HIVEP3: variants seen among roughly 807,000 people sequenced by gnomAD.
HIVEP3 encodes the protein transcription factor HIVEP3.
A neutral mutation model predicts 152.8 loss-of-function variants in HIVEP3; 49 were observed. The ratio of observed to expected loss-of-function variants is 0.32; its 90% CI spans 0.26 to 0.41. The LOEUF (loss-of-function observed/expected upper bound fraction) is 0.41, where lower values mean the gene tolerates loss of function less well. Among genes scored for constraint, HIVEP3 ranks in the 10% least tolerant of loss-of-function variants. The pLI is 1.00. For missense variants in HIVEP3, 2,790 were observed against 3,103.3 expected, an observed-to-expected ratio of 0.90 and a Z score of 2.40; for synonymous variants, 1,269 against 1,289.0, an observed-to-expected ratio of 0.98 and a Z score of 0.33.
intron 1 of HIVEP3, among the ~76,000 whole-genome samples, chr1:41,795,076 G>A (rs1334923399): frequency 1.3e-5 from 2 of 152,086 alleles, no homozygotes; most frequent in East Asian, 3.9e-4. Flanking sequence ...AATTAACACT[G>A]GTACAATACA....
chr1:41,929,446 A>C (rs1179326388), intron 1 of HIVEP3, among the ~76,000 whole-genome samples: 1 of 151,932 alleles, frequency 6.6e-6, no homozygotes, highest in East Asian at 1.9e-4. Context: ...TAGCACCAGA[A>C]GATGCTCCAG....
At chr1:42,017,175 C>A (rs1645528087) in intron 1 of HIVEP3, among the ~76,000 whole-genome samples, 1 of 151,720 alleles carries the variant, frequency 6.6e-6, no homozygotes, top group African/African-American at 2.4e-5. Context: ...TTTTCCAATT[C>A]ATGTTTCTGA....
intron 2 of HIVEP3, among the ~76,000 whole-genome samples, chr1:41,671,039 T>A (rs777687637): frequency 8.5e-5 from 13 of 152,138 alleles, no homozygotes; most frequent in Non-Finnish European, 1.6e-4. Context: ...CTGATTATCA[T>A]CCCTTTCTGC....
chr1:41,896,566 ACTTTT>A (rs1030048619), intron 1 of HIVEP3, among the ~76,000 whole-genome samples: 4 of 147,886 alleles, frequency 2.7e-5, no homozygotes, highest in Admixed American at 6.7e-5. Flanking sequence ...CATGCTTTTT[ACTTTT>A]CTTTTCTTTT....
At position 41,937,458 on chromosome 1, in the gene HIVEP3, T is replaced by C. The variant is rs190013394; in HGVS notation, n.120-18934A>G. Among the ~76,000 whole-genome samples, 681 of 152,290 alleles carry C rather than the reference T, an allele frequency of 4.5e-3. 5 individuals carry two copies. Among genetic ancestry groups the C allele is most frequent in the African/African-American group, 0.016 (653 of 41,548 alleles). ...ATTGAAACTGAGAGGATCGAAGGCC[T>C]TGACCTGCACTATCCAAAATGGTAG... On this transcript the variant is annotated intron_variant and non_coding_transcript_variant, in intron 1 of 3. Transcript: ENST00000489103.
chr1:41,863,104 C>T (rs749268833), intron 1 of HIVEP3, among the ~76,000 whole-genome samples: 10 of 152,268 alleles, frequency 6.6e-5, no homozygotes, highest in Non-Finnish European at 1.5e-5. Flanking sequence ...TCCTCCTCCA[C>T]TGTCACATAC....
chr1:41,670,005 C>A (rs1645849953), intron 2 of HIVEP3, among the ~76,000 whole-genome samples: 1 of 152,166 alleles, frequency 6.6e-6, no homozygotes, highest in South Asian at 2.1e-4. Context: ...AGTAAGTGAG[C>A]ATTTCCTTCT....
At chr1:42,001,230 C>T (rs1326353834) in intron 1 of HIVEP3, among the ~76,000 whole-genome samples, 1 of 152,180 alleles carries the variant, frequency 6.6e-6, no homozygotes, top group East Asian at 1.9e-4. Context: ...AATAAATAAG[C>T]AGATATAATA....
At chr1:41,712,265 A>T (rs182136755) in intron 1 of HIVEP3, among the ~76,000 whole-genome samples, 33 of 152,338 alleles carry the variant, frequency 2.2e-4, no homozygotes, top group South Asian at 4.1e-4. Flanking sequence ...CCATGGTGAT[A>T]TGAAGGAGGC....
chr1:41,835,717 G>A (rs1403020830), intron 1 of HIVEP3, among the ~76,000 whole-genome samples: 5 of 152,154 alleles, frequency 3.3e-5, no homozygotes, highest in Admixed American at 3.3e-4. Context: ...GTAGCTCTCC[G>A]CCCTGGGATG....
intron 1 of HIVEP3, among the ~76,000 whole-genome samples, chr1:41,813,699 C>A (rs1651099621): frequency 6.6e-6 from 1 of 152,136 alleles, no homozygotes. Flanking sequence ...CAATATGTAA[C>A]CATAATACAT....
chr1:41,938,254 T>C (rs1570850), intron 1 of HIVEP3, among the ~76,000 whole-genome samples: 5,562 of 152,272 alleles, frequency 0.037, 317 homozygotes, highest in African/African-American at 0.13. Context: ...AAAATATGTA[T>C]TAACCTCTGT....
At chr1:41,911,000 G>C (rs948340144) in intron 1 of HIVEP3, among the ~76,000 whole-genome samples, 1 of 152,006 alleles carries the variant, frequency 6.6e-6, no homozygotes, top group African/African-American at 2.4e-5. Flanking sequence ...ATAAAGGAAA[G>C]ATTGATAAAT....
intron 1 of HIVEP3, among the ~76,000 whole-genome samples, chr1:41,704,889 C>T (rs1474441445): frequency 2.0e-5 from 3 of 152,176 alleles, no homozygotes; most frequent in African/African-American, 7.2e-5. Flanking sequence ...TTCATTCATC[C>T]ATCAATTATT....
At chr1:41,658,363 T>G (rs574349946) in intron 2 of HIVEP3, among the ~76,000 whole-genome samples, 1 of 152,294 alleles carries the variant, frequency 6.6e-6, no homozygotes, top group East Asian at 1.9e-4. Context: ...TCAAACCAGT[T>G]ATTTGACCAC....
At chr1:41,622,208 G>A (rs1645056424) in intron 3 of HIVEP3, among the ~76,000 whole-genome samples, 1 of 152,222 alleles carries the variant, frequency 6.6e-6, no homozygotes, top group Admixed American at 6.5e-5. Context: ...CTCTCATGGA[G>A]AGACAGATGG....
intron 1 of HIVEP3, among the ~76,000 whole-genome samples, chr1:41,975,820 A>C (rs960513827): frequency 1.7e-4 from 26 of 152,148 alleles, no homozygotes; most frequent in African/African-American, 6.0e-4. Context: ...GCACATAAAG[A>C]GAGTCTGTGG....
At chr1:41,806,438 T>C (rs1445849518) in intron 1 of HIVEP3, among the ~76,000 whole-genome samples, 2 of 152,230 alleles carry the variant, frequency 1.3e-5, no homozygotes, top group Non-Finnish European at 2.9e-5. Context: ...AGCCCCGGCA[T>C]GGAGCCCCTG....
In HIVEP3 at chr1:41,516,781, C is replaced by G. The variant is rs151009065; in HGVS notation, c.5470+1621G>C. ...ACCTGCTGCTCCCTCTGCAGGAGAG[C>G]TCCTCCCTGACCCCACGTGGCTCCT... On this transcript the variant is annotated intron_variant, in intron 7 of 8. Coordinates refer to ENST00000372583, the MANE Select transcript of HIVEP3 (RefSeq NM_024503.5). Among the ~76,000 whole-genome samples the G allele has an allele frequency of 4.6e-3, 698 of 152,364 alleles. 8 individuals are homozygous for G. Among genetic ancestry groups the G allele is most frequent in the African/African-American group, 0.016 (654 of 41,592 alleles).
Sources: gnomAD v4.1 joint callset for allele counts (sites outside exome capture counted in the v4.1 genomes callset) on GRCh38, gnomAD v4.1.1 for gene constraint, MANE v1.5 for transcripts, NCBI Gene and HGNC (gene_info 2026-07-23, HGNC 2026-07-21) for gene names.